The following DCC variants were observed in gnomAD, a reference collection of about 807,000 sequenced individuals.
DCC encodes the protein netrin receptor DCC.
In DCC, 58 loss-of-function variants were observed where a neutral mutation model predicts 172.5. That is an observed-to-expected ratio of 0.34 (90% CI 0.27 to 0.42). The LOEUF (loss-of-function observed/expected upper bound fraction) is 0.42. DCC is among the 10% of genes least tolerant of loss of function. DCC has a pLI of 1.00. For missense variants in DCC, 1,740 were observed against 1,791.0 expected (o/e 0.97, Z 0.51); for synonymous variants, 709 against 644.5 (o/e 1.10, Z -1.52).
chr18:53,045,561 G>T (rs2042226936), intron 5 of DCC, among the ~76,000 whole-genome samples: 2 of 151,840 alleles, frequency 1.3e-5, no homozygotes, highest in Middle Eastern at 3.4e-3. Context: ...TACATATGCT[G>T]CATATGTTTA....
At chr18:53,139,589 T>G (rs1427365109) in intron 7 of DCC, among the ~76,000 whole-genome samples, 1 of 152,170 alleles carries the variant, frequency 6.6e-6, no homozygotes, top group Non-Finnish European at 1.5e-5. Context: ...AGTCAGGCAT[T>G]CTGTATGTGT....
chr18:52,852,923 A>AG (rs1305119680), intron 2 of DCC, among the ~76,000 whole-genome samples: 1 of 152,176 alleles, frequency 6.6e-6, no homozygotes, highest in African/African-American at 2.4e-5. Context: ...CCAGCTAATA[A>AG]GTAAGTGATT....
At chr18:52,368,802 T>C (rs1053010399) in intron 1 of DCC, among the ~76,000 whole-genome samples, 1 of 152,232 alleles carries the variant, frequency 6.6e-6, no homozygotes. Context: ...CTGTGCACTG[T>C]GTTGCCCAGA....
chr18:53,136,209 C>A (rs912979032), intron 7 of DCC, among the ~76,000 whole-genome samples: 24 of 144,400 alleles, frequency 1.7e-4, no homozygotes, highest in South Asian at 4.3e-4. Flanking sequence ...ATCTATCTAT[C>A]TATATATATA....
At chr18:52,895,435 C>T (rs766699234) in intron 2 of DCC, among the ~76,000 whole-genome samples, 23 of 152,094 alleles carry the variant, frequency 1.5e-4, no homozygotes, top group Non-Finnish European at 1.9e-4. Context: ...TTCATGAAAT[C>T]AATATGCTCG....
chr18:52,543,006 G>C (rs550568309), intron 1 of DCC, among the ~76,000 whole-genome samples: 2 of 152,312 alleles, frequency 1.3e-5, no homozygotes, highest in South Asian at 2.1e-4. Context: ...CAAACTAGAG[G>C]TTAAGATGAG....
chr18:53,014,433 T>G (rs1314943608), intron 5 of DCC, among the ~76,000 whole-genome samples: 1 of 36,800 alleles, frequency 2.7e-5, no homozygotes, highest in Non-Finnish European at 5.3e-5. Context: ...CCCTCCCCCC[T>G]CCCCCCTCCC....
chr18:52,916,117 A>T (rs2040035242), intron 3 of DCC, among the ~76,000 whole-genome samples: 1 of 152,116 alleles, frequency 6.6e-6, no homozygotes, highest in Admixed American at 6.6e-5. Context: ...ATGTGTCAAC[A>T]TAGGAAAATA....
At chr18:52,398,571 C>T (rs1180342184) in intron 1 of DCC, among the ~76,000 whole-genome samples, 1 of 151,894 alleles carries the variant, frequency 6.6e-6, no homozygotes, top group Non-Finnish European at 1.5e-5. Context: ...GCATAGTGCA[C>T]CAAAATTGAT....
intron 21 of DCC, among the ~76,000 whole-genome samples, chr18:53,428,507 ATT>A (rs1390629494): frequency 3.2e-5 from 2 of 62,442 alleles, no homozygotes; most frequent in African/African-American, 1.1e-4. Context: ...TATATTGTAT[ATT>A]TTATATATTT....
At chr18:52,708,147 GA>G (rs36063789) in intron 1 of DCC, among the ~76,000 whole-genome samples, 3 of 151,866 alleles carry the variant, frequency 2.0e-5, no homozygotes, top group African/African-American at 7.3e-5. Context: ...TAAAAAGTAG[GA>G]AAAAAAATTT....
At chr18:52,697,131 G>A (rs1048478732) in intron 1 of DCC, among the ~76,000 whole-genome samples, 24 of 152,138 alleles carry the variant, frequency 1.6e-4, no homozygotes, top group African/African-American at 5.3e-4. Flanking sequence ...GTATTTTTTG[G>A]TAAAGTTGGA....
intron 12 of DCC, among the ~76,000 whole-genome samples, chr18:53,257,872 G>A (rs374061862): frequency 6.6e-5 from 10 of 152,072 alleles, no homozygotes; most frequent in African/African-American, 2.4e-4. Flanking sequence ...GCTATTAATT[G>A]TTGCCTCAAT....
intron 1 of DCC, among the ~76,000 whole-genome samples, chr18:52,492,901 A>G (rs1392598464): frequency 3.9e-5 from 6 of 152,108 alleles, no homozygotes; most frequent in Non-Finnish European, 8.8e-5. Context: ...AGCCAATCAT[A>G]TGATAGCGGG....
intron 1 of DCC, among the ~76,000 whole-genome samples, chr18:52,501,341 C>T (rs1185357439): frequency 2.0e-5 from 3 of 152,098 alleles, no homozygotes; most frequent in Non-Finnish European, 4.4e-5. Flanking sequence ...TTACTGCAGG[C>T]CCCCAATACA....
chr18:52,528,575 T>G (rs1158556815), intron 1 of DCC, among the ~76,000 whole-genome samples: 1 of 152,040 alleles, frequency 6.6e-6, no homozygotes, highest in Non-Finnish European at 1.5e-5. Flanking sequence ...CAGACAGCAT[T>G]TTAAGATCCA....
At position 52,933,448 on chromosome 18, in the gene DCC, G is replaced by A. The variant is rs1186186187; in HGVS notation, c.985+8078G>A. 7.9e-5 allele frequency among the ~76,000 whole-genome samples: 12 copies of A among 151,786 alleles called. No homozygotes were observed. The East Asian group carries it at 2.3e-3, about 30-fold the overall frequency. ...GGAGAGTATGAGAATGGGGGAGGGA[G>A]TGTTGAGGGGAGAGTATCTGACAGG... On this transcript the variant is annotated intron_variant, in intron 5 of 28. Coordinates refer to ENST00000442544, the MANE Select transcript of DCC (RefSeq NM_005215.4).
chr18:53,503,211 G>A (rs1468860314), intron 27 of DCC, among the ~76,000 whole-genome samples: 1 of 152,110 alleles, frequency 6.6e-6, no homozygotes, highest in African/African-American at 2.4e-5. Context: ...AGAGCATTTT[G>A]CAATATTTTT....
chr18:52,442,546 A>G (rs1350293519), intron 1 of DCC, among the ~76,000 whole-genome samples: 1 of 152,198 alleles, frequency 6.6e-6, no homozygotes, highest in African/African-American at 2.4e-5. Flanking sequence ...GACATACAAA[A>G]TGATCAAGGT....
Sources: allele counts gnomAD v4.1 joint callset (sites outside exome capture counted in the v4.1 genomes callset), GRCh38; gene constraint gnomAD v4.1.1; transcripts MANE v1.5; gene names NCBI Gene and HGNC (gene_info 2026-07-23, HGNC 2026-07-21).